DPYD: variants seen among roughly 807,000 people sequenced by gnomAD.
The protein encoded by DPYD is dihydropyrimidine dehydrogenase [NADP(+)].
Under a neutral mutation model 116.2 loss-of-function variants are expected in DPYD, and 109 were observed. That is an observed-to-expected ratio of 0.94 (90% CI 0.80 to 1.10). The LOEUF is 1.10. DPYD is among the 50% of genes least tolerant of loss of function. The probability of loss-of-function intolerance (pLI) is 0.00; values close to 1 mark genes in which losing one functional copy is unlikely to be tolerated. For synonymous variants in DPYD, 440 were observed against 432.0 expected (o/e 1.02, Z -0.23); for missense variants, 1,302 against 1,254.5 (o/e 1.04, Z -0.57).
intron 21 of DPYD, among the ~76,000 whole-genome samples, chr1:97,086,188 G>A (rs1010114989): frequency 5.9e-5 from 9 of 152,000 alleles, no homozygotes; most frequent in Admixed American, 3.9e-4. Context: ...CAAGTAGCTG[G>A]GGCTACAGGC....
intron 16 of DPYD, among the ~76,000 whole-genome samples, chr1:97,337,620 C>T (rs374551722): frequency 6.6e-6 from 1 of 150,882 alleles, no homozygotes; most frequent in African/African-American, 2.4e-5. Flanking sequence ...AAGAAACTAC[C>T]AGGGCTAAGT....
At chr1:97,812,965 A>C (rs781647906) in intron 3 of DPYD, among the ~76,000 whole-genome samples, 2 of 152,130 alleles carry the variant, frequency 1.3e-5, no homozygotes, top group African/African-American at 2.4e-5. Flanking sequence ...TCAGATGAAC[A>C]GATTATAATC....
intron 16 of DPYD, among the ~76,000 whole-genome samples, chr1:97,311,343 C>A (rs1482791659): frequency 6.6e-6 from 1 of 151,702 alleles, no homozygotes; most frequent in African/African-American, 2.4e-5. Context: ...TAACATACTT[C>A]GTTCAACATA....
intron 13 of DPYD, chr1:97,514,135 G>T (rs1439959171): frequency 1.1e-6 from 1 of 895,966 alleles, no homozygotes; most frequent in African/African-American, 1.8e-5. Flanking sequence ...TAAATTGATA[G>T]ATTAAATTCA....
At chr1:97,407,914 CA>C (rs1388407305) in intron 14 of DPYD, among the ~76,000 whole-genome samples, 7 of 152,232 alleles carry the variant, frequency 4.6e-5, no homozygotes, top group Admixed American at 2.0e-4. Context: ...GCCACCTGGC[CA>C]TTTTGGGCTA....
chr1:97,606,896 C>T (rs1655635368), intron 8 of DPYD, among the ~76,000 whole-genome samples: 1 of 151,828 alleles, frequency 6.6e-6, no homozygotes. Flanking sequence ...AGGGGGTATC[C>T]ATAGCTTAGT....
intron 3 of DPYD, among the ~76,000 whole-genome samples, chr1:97,777,035 A>G (rs1369585198): frequency 6.6e-6 from 1 of 152,200 alleles, no homozygotes; most frequent in Non-Finnish European, 1.5e-5. Context: ...GAAATTATCT[A>G]AAAATACTAT....
At position 97,515,956 on chromosome 1, in the gene DPYD, C is replaced by A; in HGVS notation, c.1525-15G>T. On this transcript the variant is annotated splice_polypyrimidine_tract_variant and intron_variant, in intron 12 of 22. Transcript: ENST00000370192. ...CCATATTGTGACTGCAAAATACAAA[C>A]CAATACTTGGTTTCATATTACATCT... The A allele has an allele frequency of 6.2e-7, 1 of 1,609,188 alleles. No individual in the cohort carries two copies. Among genetic ancestry groups the A allele is most frequent in the Non-Finnish European group, 8.5e-7 (1 of 1,176,446 alleles).
chr1:97,690,630 T>A (rs1236494886), intron 7 of DPYD, among the ~76,000 whole-genome samples: 2 of 152,026 alleles, frequency 1.3e-5, no homozygotes, highest in African/African-American at 4.8e-5. Context: ...CCATATTTGA[T>A]GAGATTTAGA....
At chr1:97,326,258 A>G (rs977134225) in intron 16 of DPYD, among the ~76,000 whole-genome samples, 2 of 151,968 alleles carry the variant, frequency 1.3e-5, no homozygotes, top group African/African-American at 4.8e-5. Flanking sequence ...ACACAAGAGA[A>G]GCAGGTTTTG....
At chr1:97,149,620 T>C (rs1055775209) in intron 20 of DPYD, among the ~76,000 whole-genome samples, 62 of 152,174 alleles carry the variant, frequency 4.1e-4, no homozygotes, top group African/African-American at 1.4e-3. Flanking sequence ...TCGATTTCTA[T>C]AGTAGACAGT....
chr1:97,428,318 T>A (rs974714716), intron 14 of DPYD, among the ~76,000 whole-genome samples: 2 of 152,086 alleles, frequency 1.3e-5, no homozygotes, highest in African/African-American at 4.8e-5. Context: ...ACATCAACAA[T>A]CCCACAAATT....
chr1:97,218,966 A>G (rs2101888371), intron 19 of DPYD, among the ~76,000 whole-genome samples: 1 of 152,332 alleles, frequency 6.6e-6, no homozygotes, highest in African/African-American at 2.4e-5. Flanking sequence ...TGCCTAAAAA[A>G]TTAAAGGTAC....
rs72975782 is a variant in DPYD at position 97,663,920 on chromosome 1, T to C, written c.850+15175A>G. On this transcript the variant is annotated intron_variant, in intron 8 of 22. Coordinates refer to ENST00000370192, the MANE Select transcript of DPYD (RefSeq NM_000110.4). ...ATAGTCTAGGATGAATGAATAGAAA[T>C]ATATACATGTAAGTGAGCAAAATTT... Among the ~76,000 whole-genome samples, 761 of 152,308 alleles carry C rather than the reference T, an allele frequency of 5.0e-3. 5 individuals carry two copies. The highest frequency in any genetic ancestry group is 0.017 in the African/African-American group (722 of 41,558).
In DPYD at chr1:97,740,482, A is replaced by C; in HGVS notation, c.234-3T>G. On this transcript the variant is annotated splice_polypyrimidine_tract_variant and splice_region_variant and intron_variant, in intron 3 of 22. Coordinates refer to ENST00000370192, the MANE Select transcript of DPYD (RefSeq NM_000110.4). Reference sequence around the variant, plus strand: ...GGGCATCTGCACATTTCAGGCATCTAGGAAATAAAATAACTATGTTAAGAA... The same window carrying C: ...GGGCATCTGCACATTTCAGGCATCTCGGAAATAAAATAACTATGTTAAGAA... The C allele has an allele frequency of 6.2e-7, 1 of 1,611,000 alleles. No homozygotes were observed. Among genetic ancestry groups the C allele is most frequent in the East Asian group, 2.2e-5 (1 of 44,802 alleles).
chr1:97,461,234 T>C (rs1677016533), intron 13 of DPYD, among the ~76,000 whole-genome samples: 2 of 152,152 alleles, frequency 1.3e-5, no homozygotes, highest in South Asian at 4.1e-4. Context: ...CTCAAAATAT[T>C]ATTTATGCTT....
chr1:97,574,027 T>C, intron 10 of DPYD, 57 bp from the exon 11 acceptor site: 1 of 1,591,914 alleles, frequency 6.3e-7, no homozygotes, highest in East Asian at 2.3e-5. Flanking sequence ...CCACACAGTA[T>C]TTGATTTCTA....
chr1:97,089,512 C>T (rs561072483), intron 21 of DPYD, among the ~76,000 whole-genome samples: 9 of 152,148 alleles, frequency 5.9e-5, no homozygotes, highest in African/African-American at 2.2e-4. Flanking sequence ...CCTTGTTCAT[C>T]TTTTAGAAGG....
At chr1:97,602,083 A>C (rs1655282402) in intron 8 of DPYD, among the ~76,000 whole-genome samples, 1 of 151,984 alleles carries the variant, frequency 6.6e-6, no homozygotes, top group African/African-American at 2.4e-5. Context: ...CCATTACACA[A>C]GATTCTTTTT....
Sources: gnomAD v4.1 joint callset for allele counts (sites outside exome capture counted in the v4.1 genomes callset) on GRCh38, gnomAD v4.1.1 for gene constraint, MANE v1.5 for transcripts, NCBI Gene and HGNC (gene_info 2026-07-23, HGNC 2026-07-21) for gene names.